The following AUTS2 variants were observed in gnomAD, a reference collection of about 807,000 sequenced individuals.
AUTS2 encodes activator of transcription and developmental regulator AUTS2.
Under a neutral mutation model 112.4 loss-of-function variants are expected in AUTS2, and 17 were observed. The ratio of observed to expected loss-of-function variants is 0.15; its 90% confidence interval spans 0.10 to 0.23. AUTS2 has a LOEUF of 0.23. AUTS2 is among the 10% of genes least tolerant of loss of function. The probability of loss-of-function intolerance (pLI) is 1.00; values close to 1 mark genes in which losing one functional copy is unlikely to be tolerated. For missense variants in AUTS2, 1,510 were observed against 1,701.6 expected, an observed-to-expected ratio of 0.89 and a Z score of 1.98; for synonymous variants, 751 against 702.7, an observed-to-expected ratio of 1.07 and a Z score of -1.09.
intron 2 of AUTS2, among the ~76,000 whole-genome samples, chr7:69,923,539 C>G (rs1289387489): frequency 6.6e-6 from 1 of 152,150 alleles, no homozygotes; most frequent in Non-Finnish European, 1.5e-5. Context: ...ATCGTGTGAT[C>G]AATTTGGGGA....
chr7:70,303,441 C>CACGCGCGCGCGCGCACAT (rs1789334892), intron 4 of AUTS2, among the ~76,000 whole-genome samples: 1 of 134,894 alleles, frequency 7.4e-6, no homozygotes, highest in African/African-American at 3.1e-5. Context: ...CGCGCACATA[C>CACGCGCGCGCGCGCACAT]ACACACACAC....
chr7:69,617,473 A>C (rs1417211779), intron 1 of AUTS2, among the ~76,000 whole-genome samples: 1 of 152,136 alleles, frequency 6.6e-6, no homozygotes, highest in Non-Finnish European at 1.5e-5. Flanking sequence ...AGGAAGAAGG[A>C]GTGGCATGGT....
chr7:70,245,131 AAAGTGTGT>A (rs1490842830), intron 4 of AUTS2, among the ~76,000 whole-genome samples: 4 of 71,060 alleles, frequency 5.6e-5, no homozygotes, highest in Non-Finnish European at 8.0e-5. Context: ...AAAAAAAAAA[AAAGTGTGT>A]GTGTGTATAT....
At chr7:69,740,806 G>A (rs906001080) in intron 1 of AUTS2, among the ~76,000 whole-genome samples, 1 of 152,194 alleles carries the variant, frequency 6.6e-6, no homozygotes, top group Non-Finnish European at 1.5e-5. Flanking sequence ...ATAGGCATGA[G>A]CCACTGCGCC....
intron 2 of AUTS2, among the ~76,000 whole-genome samples, chr7:70,074,250 C>G (rs1283407224): frequency 2.0e-5 from 3 of 152,186 alleles, no homozygotes; most frequent in Admixed American, 2.0e-4. Flanking sequence ...GTGGTGGTTA[C>G]AAAAACCGTT....
chr7:70,576,311 G>C (rs79636837), intron 5 of AUTS2, among the ~76,000 whole-genome samples: 1 of 152,090 alleles, frequency 6.6e-6, no homozygotes, highest in East Asian at 1.9e-4. Flanking sequence ...AGAGGGATCC[G>C]AGTGGTCCAG....
At chr7:70,647,518 C>G (rs934841940) in intron 5 of AUTS2, among the ~76,000 whole-genome samples, 4 of 152,204 alleles carry the variant, frequency 2.6e-5, no homozygotes, top group East Asian at 3.8e-4. Flanking sequence ...TGCTTTTAAG[C>G]AAGAAATAAA....
rs537949374 is a variant in AUTS2 at position 70,502,090 on chromosome 7, A to G, written c.690+66309A>G. On this transcript the variant is annotated intron_variant, in intron 5 of 18. Coordinates refer to ENST00000342771, the MANE Select transcript of AUTS2 (RefSeq NM_015570.4). ...TTCCTGAGATGTGTCTCTTGTAGAG[A>G]TGTACACTGGTTAGAAATGGAAGCA... 2.8e-4 allele frequency among the ~76,000 whole-genome samples: 43 copies of G among 152,206 alleles called. 1 individual carries two copies. Among genetic ancestry groups the G allele is most frequent in the African/African-American group, 1.0e-3 (42 of 41,538 alleles).
At chr7:70,656,004 A>G (rs943783402) in intron 5 of AUTS2, among the ~76,000 whole-genome samples, 1 of 152,130 alleles carries the variant, frequency 6.6e-6, no homozygotes, top group African/African-American at 2.4e-5. Context: ...GCCCACCAGG[A>G]TCGAGCTTGC....
At chr7:70,312,642 T>C (rs1789812969) in intron 4 of AUTS2, among the ~76,000 whole-genome samples, 1 of 152,064 alleles carries the variant, frequency 6.6e-6, no homozygotes. Context: ...GGACTGAAAG[T>C]AGGTGATAGG....
chr7:70,655,125 G>C (rs1280196354), intron 5 of AUTS2, among the ~76,000 whole-genome samples: 1 of 152,168 alleles, frequency 6.6e-6, no homozygotes, highest in Non-Finnish European at 1.5e-5. Context: ...CATTGCTCTT[G>C]GGACATCCCA....
intron 4 of AUTS2, among the ~76,000 whole-genome samples, chr7:70,235,850 T>C (rs1812301017): frequency 6.6e-6 from 1 of 151,862 alleles, no homozygotes; most frequent in African/African-American, 2.4e-5. Context: ...ACGGGGGACG[T>C]GATTTCACTG....
intron 2 of AUTS2, among the ~76,000 whole-genome samples, chr7:70,112,873 C>G (rs1264946815): frequency 2.0e-5 from 3 of 151,972 alleles, no homozygotes; most frequent in Non-Finnish European, 4.4e-5. Flanking sequence ...ATATTATTAT[C>G]AGAACACTTT....
intron 4 of AUTS2, among the ~76,000 whole-genome samples, chr7:70,192,207 G>A (rs1809936759): frequency 6.6e-6 from 1 of 152,092 alleles, no homozygotes; most frequent in African/African-American, 2.4e-5. Context: ...TTTATAGTAG[G>A]TGCTAAAAAT....
At chr7:70,023,389 G>A (rs933707520) in intron 2 of AUTS2, among the ~76,000 whole-genome samples, 2 of 152,142 alleles carry the variant, frequency 1.3e-5, no homozygotes, top group Admixed American at 1.3e-4. Context: ...TCAGAGACTG[G>A]AATGGGTCTG....
rs1403907499 is a variant in AUTS2 at position 70,790,177 on chromosome 7, G to A, written c.2961G>A (p.Lys987=). Residue 987 remains lysine (K), a synonymous_variant, in exon 19 of 19, where the codon AAG becomes AAA. Coordinates refer to ENST00000342771, the MANE Select transcript of AUTS2 (RefSeq NM_015570.4). This position sits in a 1 kb window ranked among gnomAD's most constrained non-coding sequence, Gnocchi z 7.6. ...AGGTCAAGGTGAAGGAGGAGCGGAA[G>A]GAAGACCATGACCTGCCTCCAGAGG... is the stretch of plus-strand genomic sequence containing the variant. The part of the protein sequence containing the change: ...SSEVKVKEER[K]EDHDLPPEAP... 3 of 1,612,382 alleles carry A rather than the reference G, an allele frequency of 1.9e-6. No individual in the cohort carries two copies. The East Asian group carries it at 6.7e-5, about 36-fold the overall frequency.
chr7:70,714,240 A>G (rs1810228176), intron 6 of AUTS2, among the ~76,000 whole-genome samples: 2 of 152,046 alleles, frequency 1.3e-5, no homozygotes, highest in South Asian at 4.2e-4. Context: ...GTAGAAATGA[A>G]CCCCCATATA....
At position 70,648,676 on chromosome 7, in the gene AUTS2, C is replaced by G. The variant is rs182695911; in HGVS notation, c.691-49893C>G. On this transcript the variant is annotated intron_variant, in intron 5 of 18. Transcript: ENST00000342771. Reference sequence around the variant, plus strand: ...GGCTCACTGCGACCTCCGCCTCCCCCTTTCAAGCAATTCTCCTGTCTCAGC... The same window carrying G: ...GGCTCACTGCGACCTCCGCCTCCCCGTTTCAAGCAATTCTCCTGTCTCAGC... 8.4e-3 allele frequency among the ~76,000 whole-genome samples: 1,285 copies of G among 152,246 alleles called. 13 individuals carry two copies. The highest frequency in any genetic ancestry group is 0.014 in the Middle Eastern group (4 of 294).
chr7:70,582,347 A>C (rs1802491735), intron 5 of AUTS2, among the ~76,000 whole-genome samples: 3 of 152,148 alleles, frequency 2.0e-5, no homozygotes, highest in Admixed American at 2.0e-4. Context: ...TGAGTATACA[A>C]AGCATCCCAT....
Sources: gnomAD v4.1 joint callset for allele counts (sites outside exome capture counted in the v4.1 genomes callset) on GRCh38, gnomAD v4.1.1 for gene constraint, Gnocchi (gnomAD v3.1) non-coding constraint, MANE v1.5 for transcripts, NCBI Gene and HGNC (gene_info 2026-07-23, HGNC 2026-07-21) for gene names.